Variants in PHLDB2 observed in about 807,000 individuals in gnomAD.
PHLDB2 encodes pleckstrin homology-like domain family B member 2.
PHLDB2 carries 71 observed loss-of-function variants against 123.6 expected under a neutral mutation model. The observed-to-expected ratio is 0.57, with a 90% CI of 0.47 to 0.70. The LOEUF (loss-of-function observed/expected upper bound fraction) is 0.70, where lower values mean the gene tolerates loss of function less well. Among genes scored for constraint, PHLDB2 ranks in the 30% least tolerant of loss-of-function variants. PHLDB2 has a pLI of 0.00. For synonymous variants in PHLDB2, 547 were observed against 541.6 expected, an observed-to-expected ratio of 1.01 and a Z score of -0.14; for missense variants, 1,446 against 1,519.5, an observed-to-expected ratio of 0.95 and a Z score of 0.80.
intron 1 of PHLDB2, among the ~76,000 whole-genome samples, chr3:111,874,536 G>A (rs2065505809): frequency 6.6e-6 from 1 of 152,120 alleles, no homozygotes; most frequent in African/African-American, 2.4e-5. Flanking sequence ...TTCAGGAGTG[G>A]GGGTTAACAA....
At chr3:111,916,034 A>G (rs1238802368) in intron 3 of PHLDB2, 1 of 152,230 alleles carries the variant, frequency 6.6e-6, no homozygotes, top group Non-Finnish European at 1.5e-5. Flanking sequence ...TGTTAAAAAC[A>G]TTAAGCTGTG....
chr3:111,806,282 C>T (rs1159480849), intron 1 of PHLDB2, among the ~76,000 whole-genome samples: 1 of 152,056 alleles, frequency 6.6e-6, no homozygotes, highest in African/African-American at 2.4e-5. Context: ...TTAAAACATA[C>T]CCATCACACC....
chr3:111,791,921 T>C lies in PHLDB2; in HGVS notation c.-48-53900T>C, dbSNP rs529299211. Among the ~76,000 whole-genome samples, 9 of 152,322 alleles carry C rather than the reference T, an allele frequency of 5.9e-5. No individual in the cohort carries two copies. In the East Asian group the frequency reaches 1.7e-3, roughly 29 times the overall value. On this transcript the variant is annotated intron_variant, in intron 1 of 17. Coordinates refer to the PHLDB2 transcript ENST00000393923. Reference sequence around the variant, plus strand: ...TGTTCTCAAACACTAGAACTTATTCTTTCTATCTAACTATATTTTTGTACC... The same window carrying C: ...TGTTCTCAAACACTAGAACTTATTCCTTCTATCTAACTATATTTTTGTACC...
At chr3:111,926,597 T>C (rs1287964324) in intron 5 of PHLDB2, among the ~76,000 whole-genome samples, 1 of 152,122 alleles carries the variant, frequency 6.6e-6, no homozygotes, top group Non-Finnish European at 1.5e-5. Context: ...CTAGTTTTTT[T>C]TTTTTCTATG....
At chr3:111,745,757 G>GAAAACA (rs1280764584) in intron 1 of PHLDB2, among the ~76,000 whole-genome samples, 10 of 149,960 alleles carry the variant, frequency 6.7e-5, no homozygotes, top group Admixed American at 5.4e-4. Flanking sequence ...GCAAGACCTT[G>GAAAACA]AAAACAAAAA....
At chr3:111,838,512 T>C (rs1214239897) in intron 1 of PHLDB2, among the ~76,000 whole-genome samples, 1 of 152,196 alleles carries the variant, frequency 6.6e-6, no homozygotes, top group African/African-American at 2.4e-5. Flanking sequence ...CTTATATACC[T>C]ATTATACTTT....
intron 1 of PHLDB2, among the ~76,000 whole-genome samples, chr3:111,804,191 A>T (rs2061485756): frequency 1.3e-5 from 2 of 152,020 alleles, no homozygotes; most frequent in South Asian, 4.2e-4. Context: ...AAAATGTTAA[A>T]CCCCCCAAGA....
At chr3:111,791,526 GT>G (rs2060925206) in intron 1 of PHLDB2, among the ~76,000 whole-genome samples, 1 of 152,138 alleles carries the variant, frequency 6.6e-6, no homozygotes, top group South Asian at 2.1e-4. Flanking sequence ...ATGCAAAACT[GT>G]TTTCCAGAGT....
At chr3:111,745,368 T>C (rs768724392) in intron 1 of PHLDB2, among the ~76,000 whole-genome samples, 1 of 152,230 alleles carries the variant, frequency 6.6e-6, no homozygotes, top group African/African-American at 2.4e-5. Context: ...GGCACTGATT[T>C]ATATTAATTG....
intron 2 of PHLDB2, among the ~76,000 whole-genome samples, chr3:111,909,708 G>A (rs2067764964): frequency 6.6e-6 from 1 of 151,868 alleles, no homozygotes; most frequent in Admixed American, 6.6e-5. Flanking sequence ...TGAAGATTAT[G>A]GAGACATTGA....
intron 2 of PHLDB2, among the ~76,000 whole-genome samples, chr3:111,852,174 T>C (rs1000663229): frequency 2.6e-5 from 4 of 151,786 alleles, no homozygotes; most frequent in African/African-American, 9.7e-5. Flanking sequence ...CTGCTCTCAG[T>C]TGTCAGAATT....
At chr3:111,770,137 G>T (rs148851322) in intron 1 of PHLDB2, among the ~76,000 whole-genome samples, 2 of 152,190 alleles carry the variant, frequency 1.3e-5, no homozygotes, top group African/African-American at 2.4e-5. Flanking sequence ...GAGAGTCATT[G>T]GTTGCATCTA....
chr3:111,969,170 C>T (rs2072007024), intron 15 of PHLDB2, among the ~76,000 whole-genome samples: 1 of 152,182 alleles, frequency 6.6e-6, no homozygotes, highest in South Asian at 2.1e-4. Context: ...TCTCTGCCTT[C>T]AATTTCTATC....
At chr3:111,900,697 G>A (rs775691357) in intron 2 of PHLDB2, among the ~76,000 whole-genome samples, 26 of 152,286 alleles carry the variant, frequency 1.7e-4, no homozygotes, top group African/African-American at 3.6e-4. Context: ...AGAATGTGAC[G>A]CAGAGACATG....
chr3:111,874,584 A>C (rs145184032), intron 1 of PHLDB2, among the ~76,000 whole-genome samples: 13 of 152,286 alleles, frequency 8.5e-5, no homozygotes, highest in African/African-American at 2.2e-4. Context: ...TTGTCCTAGC[A>C]GGGGGGTGGG....
chr3:111,903,315 C>A (rs567328745), intron 2 of PHLDB2, among the ~76,000 whole-genome samples: 2 of 152,240 alleles, frequency 1.3e-5, no homozygotes, highest in South Asian at 4.1e-4. Context: ...GTAGTTCTTT[C>A]TAGAAGCAAC....
chr3:111,868,010 A>G (rs545499339), intron 1 of PHLDB2, among the ~76,000 whole-genome samples: 14 of 149,288 alleles, frequency 9.4e-5, no homozygotes, highest in African/African-American at 3.5e-4. Flanking sequence ...TCATACTTTT[A>G]AAAAAAAATG....
chr3:111,956,476 ATTTATCTT>A (rs1282061619), intron 12 of PHLDB2, among the ~76,000 whole-genome samples: 1 of 152,112 alleles, frequency 6.6e-6, no homozygotes, highest in Admixed American at 6.6e-5. Context: ...TCTGTCTTTG[ATTTATCTT>A]TAGTGCTCTT....
At chr3:111,758,703 G>A (rs982624860) in intron 1 of PHLDB2, among the ~76,000 whole-genome samples, 15 of 152,212 alleles carry the variant, frequency 9.9e-5, no homozygotes, top group African/African-American at 3.1e-4. Context: ...TGTGGCTCAC[G>A]CTGGGAGCTG....
Sources: gnomAD v4.1 joint callset for allele counts (sites outside exome capture counted in the v4.1 genomes callset) on GRCh38, gnomAD v4.1.1 for gene constraint, MANE v1.5 for transcripts, NCBI Gene and HGNC (gene_info 2026-07-23, HGNC 2026-07-21) for gene names.